Variants in CLDN14 observed in about 807,000 individuals in gnomAD.
The protein encoded by CLDN14 is claudin-14.
CLDN14 carries 2 observed loss-of-function variants against 2.1 expected under a neutral mutation model. The observed-to-expected ratio is 0.96, with a 90% CI of 0.39 to 3.01. CLDN14 has a LOEUF of 3.01. CLDN14 is among the 30% of genes most tolerant of loss of function. The probability of loss-of-function intolerance (pLI) is 0.09; values close to 1 mark genes in which losing one functional copy is unlikely to be tolerated. For synonymous variants in CLDN14, 136 were observed against 154.4 expected (o/e 0.88, Z 0.88); for missense variants, 298 against 328.0 (o/e 0.91, Z 0.71).
chr21:36,488,270 C>CTTCCTTCCTTCCTTCCTTCT (rs2086920681), intron 2 of CLDN14, among the ~76,000 whole-genome samples: 2 of 147,538 alleles, frequency 1.4e-5, no homozygotes. Context: ...TCCTTCCTTC[C>CTTCCTTCCTTCCTTCCTTCT]TTCCCTCTCT....
intron 1 of CLDN14, among the ~76,000 whole-genome samples, chr21:36,572,630 C>T (rs1213221737): frequency 6.6e-6 from 1 of 152,156 alleles, no homozygotes; most frequent in Non-Finnish European, 1.5e-5. Context: ...TTTCTATAAT[C>T]AGAGGGTGTA....
At position 36,492,642 on chromosome 21, in the gene CLDN14, C is replaced by T. The variant is rs183078136; in HGVS notation, c.-82+17721G>A. ...AGACCCTGTCTCAAACAAAACAAAACGAAAAAAAGGTAAAGATGAAGTTAT... is the reference window on the plus strand; with the variant it reads ...AGACCCTGTCTCAAACAAAACAAAATGAAAAAAAGGTAAAGATGAAGTTAT... On this transcript the variant is annotated intron_variant, in intron 2 of 2. Coordinates refer to the CLDN14 transcript ENST00000342108. Among the ~76,000 whole-genome samples, 28 of 151,496 alleles carry T rather than the reference C, an allele frequency of 1.8e-4. No individual in the cohort carries two copies. The East Asian group carries it at 4.7e-3, about 25-fold the overall frequency.
At chr21:36,536,599 T>A (rs2087425264) in intron 1 of CLDN14, among the ~76,000 whole-genome samples, 1 of 152,220 alleles carries the variant, frequency 6.6e-6, no homozygotes, top group East Asian at 1.9e-4. Flanking sequence ...CTTTAAACTA[T>A]TTTTTCATTG....
chr21:36,522,016 A>G (rs919359339), intron 1 of CLDN14, among the ~76,000 whole-genome samples: 1 of 152,172 alleles, frequency 6.6e-6, no homozygotes, highest in Non-Finnish European at 1.5e-5. Context: ...CTATCAAGTT[A>G]TTACCTGAAG....
intron 1 of CLDN14, among the ~76,000 whole-genome samples, chr21:36,463,437 C>A (rs1404341178): frequency 6.6e-6 from 1 of 152,246 alleles, no homozygotes; most frequent in African/African-American, 2.4e-5. Flanking sequence ...CCCATCGGGG[C>A]TCGGCGGCTC....
chr21:36,504,213 G>A (rs935126221), intron 2 of CLDN14, among the ~76,000 whole-genome samples: 1 of 151,502 alleles, frequency 6.6e-6, no homozygotes, highest in Non-Finnish European at 1.5e-5. Context: ...GGTGGTGCAC[G>A]CCTGTAGTCC....
At chr21:36,548,645 C>T (rs377483) in intron 1 of CLDN14, among the ~76,000 whole-genome samples, 74,054 of 151,942 alleles carry the variant, frequency 0.49, 20,147 homozygotes, top group Non-Finnish European at 0.61. Context: ...GACTGCCCCA[C>T]GGTATCTCCT....
At chr21:36,512,503 T>G (rs997472550) in intron 1 of CLDN14, among the ~76,000 whole-genome samples, 6 of 152,194 alleles carry the variant, frequency 3.9e-5, no homozygotes, top group Admixed American at 6.5e-5. Context: ...AGGCACATGA[T>G]TGAAAAGCTA....
intron 1 of CLDN14, among the ~76,000 whole-genome samples, chr21:36,552,967 C>G (rs2087573048): frequency 6.6e-6 from 1 of 152,204 alleles, no homozygotes; most frequent in Non-Finnish European, 1.5e-5. Context: ...GGTGCAGAGG[C>G]CCCTCCTCAA....
chr21:36,514,473 T>A (rs1438354009), intron 1 of CLDN14, among the ~76,000 whole-genome samples: 1 of 152,180 alleles, frequency 6.6e-6, no homozygotes, highest in Non-Finnish European at 1.5e-5. Context: ...TGGTTTCAAT[T>A]GGTTGGTAGA....
rs758426367 is a variant in CLDN14, at chr21:36,461,721, C to T, written c.-26G>A. On this transcript the variant is annotated 5_prime_UTR_variant, in exon 2 of 2. Coordinates refer to ENST00000399135, the MANE Select transcript of CLDN14 (RefSeq NM_001146079.2). ...GGTGCGGCTGCCTGCCTAGGCCAGC[C>T]GGGCAGCTCCCTGGGCCCTCGGGGT... The T allele has an allele frequency of 1.1e-5, 17 of 1,545,528 alleles. No homozygotes were observed. The highest frequency in any genetic ancestry group is 8.2e-5 in the African/African-American group (6 of 73,108).
chr21:36,495,775 T>C (rs2087010837), intron 2 of CLDN14, among the ~76,000 whole-genome samples: 1 of 152,162 alleles, frequency 6.6e-6, no homozygotes, highest in Non-Finnish European at 1.5e-5. Flanking sequence ...TATTTGGAAG[T>C]AGGGCTGTAG....
intron 1 of CLDN14, among the ~76,000 whole-genome samples, chr21:36,468,010 A>G (rs1462989477): frequency 6.6e-6 from 1 of 152,186 alleles, no homozygotes; most frequent in Non-Finnish European, 1.5e-5. Flanking sequence ...ATGTGGTCTG[A>G]ATGGCTCTCG....
intron 1 of CLDN14, among the ~76,000 whole-genome samples, chr21:36,463,838 C>G (rs2086611098): frequency 6.6e-6 from 1 of 152,174 alleles, no homozygotes; most frequent in South Asian, 2.1e-4. Flanking sequence ...CATCATCTTG[C>G]TAATTTAAAA....
At chr21:36,528,039 A>G (rs768984670) in intron 1 of CLDN14, among the ~76,000 whole-genome samples, 20 of 152,126 alleles carry the variant, frequency 1.3e-4, no homozygotes, top group Non-Finnish European at 2.2e-4. Flanking sequence ...GTCAAATTTT[A>G]CTTTTAAAAA....
At chr21:36,464,443 C>T (rs909548022) in intron 1 of CLDN14, among the ~76,000 whole-genome samples, 1 of 152,228 alleles carries the variant, frequency 6.6e-6, no homozygotes, top group African/African-American at 2.4e-5. Context: ...CAGAATTTGC[C>T]ACACGCACTA....
chr21:36,532,392 A>G (rs1472290365), intron 1 of CLDN14: 1 of 62,452 alleles, frequency 1.6e-5, no homozygotes, highest in East Asian at 3.1e-4. Context: ...AAATAAATAA[A>G]TGTTTAAAAA....
intron 1 of CLDN14, among the ~76,000 whole-genome samples, chr21:36,522,531 C>T (rs897083041): frequency 6.6e-6 from 1 of 152,198 alleles, no homozygotes; most frequent in Non-Finnish European, 1.5e-5. Context: ...CAGCCGCCCT[C>T]GTTTTCATGA....
rs1025124847 is a variant in CLDN14 at position 36,498,848 on chromosome 21, G to A, written c.-82+11515C>T. Among the ~76,000 whole-genome samples the A allele has an allele frequency of 3.9e-5, 6 of 152,106 alleles. No homozygotes were observed. Among genetic ancestry groups the A allele is most frequent in the African/African-American group, 1.2e-4 (5 of 41,402 alleles). Reference sequence around the variant, plus strand: ...AGGTGGCCGCTGAGGGGCCCTCATGGGGGCTGAAATTCAACCAAGGCTTGA... The same window carrying A: ...AGGTGGCCGCTGAGGGGCCCTCATGAGGGCTGAAATTCAACCAAGGCTTGA... On this transcript the variant is annotated intron_variant, in intron 2 of 2. Coordinates refer to the CLDN14 transcript ENST00000342108. The surrounding 1 kb of genome is among the most constrained non-coding windows in gnomAD (Gnocchi z 4.9).
Sources: allele counts gnomAD v4.1 joint callset (sites outside exome capture counted in the v4.1 genomes callset), GRCh38; gene constraint gnomAD v4.1.1; non-coding constraint Gnocchi (gnomAD v3.1); transcripts MANE v1.5; gene names NCBI Gene and HGNC (gene_info 2026-07-23, HGNC 2026-07-21).